Variants in NCALD observed in about 807,000 individuals in gnomAD.
The protein encoded by NCALD is neurocalcin delta, also known as neurocalcin-delta.
Under a neutral mutation model 18.6 loss-of-function variants are expected in NCALD, and 10 were observed. That is an observed-to-expected ratio of 0.54 (90% CI 0.33 to 0.91). The LOEUF (loss-of-function observed/expected upper bound fraction) is 0.91. Ranked by LOEUF, NCALD falls within the 40% of genes least tolerant of loss-of-function variation. The probability of loss-of-function intolerance (pLI) is 0.03; values close to 1 mark genes in which losing one functional copy is unlikely to be tolerated. For synonymous variants in NCALD, 88 were observed against 87.4 expected (o/e 1.01, Z -0.04); for missense variants, 184 against 247.6 (o/e 0.74, Z 1.72).
chr8:102,059,470 A>G (rs1370701590), intron 1 of NCALD, among the ~76,000 whole-genome samples: 1 of 152,252 alleles, frequency 6.6e-6, no homozygotes, highest in African/African-American at 2.4e-5. Flanking sequence ...GAACAAATGG[A>G]TGAAAGGATG....
At chr8:101,770,566 T>G (rs1486152992) in intron 1 of NCALD, among the ~76,000 whole-genome samples, 1 of 152,226 alleles carries the variant, frequency 6.6e-6, no homozygotes, top group Non-Finnish European at 1.5e-5. Flanking sequence ...GGCAAGTAGT[T>G]GCTACTTCTT....
chr8:101,776,130 T>C lies in NCALD; in HGVS notation c.-20+14732A>G, dbSNP rs117388906. On this transcript the variant is annotated intron_variant, in intron 1 of 3. Transcript: ENST00000220931. ...AAGAACTCCACTGAGATGTCTTTAGTAATGTTCTAAAACCTGAAATTAATT... is the reference window on the plus strand; with the variant it reads ...AAGAACTCCACTGAGATGTCTTTAGCAATGTTCTAAAACCTGAAATTAATT... Among the ~76,000 whole-genome samples, 240 of 152,272 alleles carry C rather than the reference T, an allele frequency of 1.6e-3. 7 individuals are homozygous for C. The East Asian group carries it at 0.038, about 24-fold the overall frequency.
intron 4 of NCALD, among the ~76,000 whole-genome samples, chr8:101,808,763 G>A (rs1813200847): frequency 6.6e-6 from 1 of 152,134 alleles, no homozygotes; most frequent in Non-Finnish European, 1.5e-5. Context: ...AAGGAAGTGG[G>A]CTGTACACCC....
chr8:101,711,087 C>T (rs1300290212), intron 2 of NCALD, among the ~76,000 whole-genome samples: 1 of 152,184 alleles, frequency 6.6e-6, no homozygotes, highest in African/African-American at 2.4e-5. Flanking sequence ...GCAATTTTTG[C>T]TATTCTGCAG....
At position 101,929,040 on chromosome 8, in the gene NCALD, A is replaced by G. The variant is rs567745948; in HGVS notation, c.-156-13182T>C. ...CTTCCAAGTGGGCAGCTCAGAACTC[A>G]GGACACACTCTTTTGTGGGTATTCC... On this transcript the variant is annotated intron_variant, in intron 2 of 6. Coordinates refer to the NCALD transcript ENST00000311028. 5.3e-5 allele frequency among the ~76,000 whole-genome samples: 8 copies of G among 151,910 alleles called. No individual in the cohort carries two copies. The South Asian group carries it at 1.7e-3, about 32-fold the overall frequency.
rs1824879459 is a variant in NCALD at position 102,090,192 on chromosome 8, A to G, written c.-210+34045T>C. 1.3e-5 allele frequency among the ~76,000 whole-genome samples: 2 copies of G among 152,226 alleles called. 1 individual carries two copies. Among genetic ancestry groups the G allele is most frequent in the South Asian group, 4.1e-4 (2 of 4,830 alleles). On this transcript the variant is annotated intron_variant, in intron 1 of 6. Coordinates refer to the NCALD transcript ENST00000311028. The stretch of plus-strand genomic sequence containing the variant: ...ATGTGTTATTGGTATGTGTTCCAAA[A>G]TTATGAGAAACTCCTATAATTCTGA...
At chr8:102,028,906 G>A (rs996661999) in intron 1 of NCALD, 14 of 152,136 alleles carry the variant, frequency 9.2e-5, no homozygotes, top group African/African-American at 3.1e-4. Context: ...GGAAAATTTG[G>A]ATGTATGGTT....
intron 1 of NCALD, among the ~76,000 whole-genome samples, chr8:102,029,328 G>A (rs1197851345): frequency 6.6e-6 from 1 of 152,148 alleles, no homozygotes; most frequent in Non-Finnish European, 1.5e-5. Flanking sequence ...AGTGTTTTTG[G>A]GGAGGACAGG....
intron 2 of NCALD, among the ~76,000 whole-genome samples, chr8:101,949,486 C>A (rs1819305613): frequency 6.6e-6 from 1 of 152,062 alleles, no homozygotes. Flanking sequence ...ATATCTGGTA[C>A]TGTTAGAGAG....
chr8:101,756,027 C>A (rs1810863658), intron 1 of NCALD, among the ~76,000 whole-genome samples: 1 of 152,178 alleles, frequency 6.6e-6, no homozygotes, highest in Non-Finnish European at 1.5e-5. Context: ...GTGTGCTGAG[C>A]TGTCATCAGA....
chr8:102,122,694 G>A (rs1314313363), intron 1 of NCALD, among the ~76,000 whole-genome samples: 1 of 152,158 alleles, frequency 6.6e-6, no homozygotes, highest in East Asian at 1.9e-4. Context: ...TCAACCTCAT[G>A]CCTCACATCA....
chr8:101,922,194 T>TG (rs1190584945), intron 2 of NCALD, among the ~76,000 whole-genome samples: 1 of 149,524 alleles, frequency 6.7e-6, no homozygotes, highest in African/African-American at 2.5e-5. Context: ...TGATGCTTCA[T>TG]GAAAAAAAAA....
chr8:101,692,686 G>A (rs1479969908), intron 3 of NCALD, 105 bp downstream of exon 3: 3 of 1,411,460 alleles, frequency 2.1e-6, no homozygotes, highest in African/African-American at 2.8e-5. Context: ...CTTGGAGGAT[G>A]AGCCGCTCAC....
At chr8:101,943,509 A>G (rs1412656171) in intron 2 of NCALD, among the ~76,000 whole-genome samples, 1 of 152,226 alleles carries the variant, frequency 6.6e-6, no homozygotes, top group African/African-American at 2.4e-5. Flanking sequence ...AAACCAGCTC[A>G]TGAACCAGAC....
chr8:102,123,482 G>A (rs1826005388), intron 1 of NCALD, among the ~76,000 whole-genome samples: 1 of 147,348 alleles, frequency 6.8e-6, no homozygotes, highest in South Asian at 2.1e-4. Flanking sequence ...AAAAACTTGT[G>A]TATTTCCTGC....
intron 2 of NCALD, among the ~76,000 whole-genome samples, chr8:101,927,895 TCTC>T (rs921225083): frequency 8.5e-5 from 13 of 152,162 alleles, no homozygotes; most frequent in African/African-American, 3.1e-4. Flanking sequence ...TGCAACCTGT[TCTC>T]CTATTACTCT....
intron 2 of NCALD, among the ~76,000 whole-genome samples, chr8:102,005,780 A>G (rs953379215): frequency 3.3e-5 from 5 of 151,716 alleles, no homozygotes; most frequent in Non-Finnish European, 7.4e-5. Flanking sequence ...CGCAAGGACA[A>G]AAAAACCAAA....
chr8:102,060,981 C>G (rs972317416), intron 1 of NCALD, among the ~76,000 whole-genome samples: 2 of 152,152 alleles, frequency 1.3e-5, no homozygotes, highest in Non-Finnish European at 2.9e-5. Flanking sequence ...CATTTTCCAC[C>G]ATTTAGCTTG....
chr8:101,902,674 C>T (rs1817478310), intron 3 of NCALD, among the ~76,000 whole-genome samples: 1 of 152,218 alleles, frequency 6.6e-6, no homozygotes, highest in Non-Finnish European at 1.5e-5. Flanking sequence ...GCCAGCCCTA[C>T]TCATCTTACT....
Sources: gnomAD v4.1 joint callset for allele counts (sites outside exome capture counted in the v4.1 genomes callset) on GRCh38, gnomAD v4.1.1 for gene constraint, MANE v1.5 for transcripts, NCBI Gene and HGNC (gene_info 2026-07-23, HGNC 2026-07-21) for gene names.